The following PALM variants were observed in gnomAD, a reference collection of about 807,000 sequenced individuals.
PALM encodes the protein paralemmin.
PALM carries 18 observed loss-of-function variants against 30.7 expected under a neutral mutation model. That is an observed-to-expected ratio of 0.59 (90% confidence interval 0.41 to 0.87). The LOEUF (loss-of-function observed/expected upper bound fraction) is 0.87, where lower values mean the gene tolerates loss of function less well. Ranked by LOEUF, PALM falls within the 40% of genes least tolerant of loss-of-function variation. The pLI is 0.00. For synonymous variants in PALM, 286 were observed against 242.8 expected (o/e 1.18, Z -1.66); for missense variants, 529 against 555.4 (o/e 0.95, Z 0.48).
intron 5 of PALM, among the ~76,000 whole-genome samples, chr19:731,904 C>T (rs1210247581): frequency 6.6e-6 from 1 of 151,958 alleles, no homozygotes. Flanking sequence ...TCAGGTGATC[C>T]ACCCAACCTC....
chr19:719,763 G>A, intron 1 of PALM: 1 of 446,152 alleles, frequency 2.2e-6, no homozygotes. Flanking sequence ...CCCGCGCCTG[G>A]CGGGCCCCGC....
chr19:711,285 C>T (rs1341764328), intron 1 of PALM: 17 of 568,978 alleles, frequency 3.0e-5, no homozygotes, highest in Admixed American at 6.4e-5. Context: ...GTGGCCCCTG[C>T]GTGACACATG....
rs948010301 is a variant in PALM, at chr19:709,076, C to T, written c.-71C>T. The stretch of plus-strand genomic sequence containing the variant: ...CCGCCAGGCCGCGTCCCCCTCCCCT[C>T]CCCTCCCCCGCGCGCCACCCGCGCC... On this transcript the variant is annotated 5_prime_UTR_variant, in exon 1 of 9. Coordinates refer to ENST00000338448, the MANE Select transcript of PALM (RefSeq NM_002579.3). This position sits in a 1 kb window ranked among gnomAD's most constrained non-coding sequence, Gnocchi z 4.3. 4.5e-5 allele frequency: 11 copies of T among 244,306 alleles called. No homozygotes were observed. Among genetic ancestry groups the T allele is most frequent in the Non-Finnish European group, 7.0e-5 (9 of 128,074 alleles). 15.1% of individuals were successfully genotyped at this position (244,306 alleles called of 1,614,324 possible). A position where few individuals can be genotyped will look rare whatever the true frequency, so the allele number is the denominator to read the frequency against.
chr19:736,075 G>T lies in PALM; in HGVS notation c.499G>T (p.Ala167Ser). ...GGTTGACGGCTCCCCCATGATGAAG[G>T]CAGGTGGGTTGGCCCCCAGGCTCTG... is the stretch of plus-strand genomic sequence containing the variant. ...RTVDGSPMMKAAMYSVEITVE... is the reference protein window; with the variant it reads ...RTVDGSPMMKSAMYSVEITVE... The change falls in exon 7 of 9, where the codon GCA (alanine) becomes TCA (serine). Residue 167 changes from alanine (A) to serine (S), a missense_variant. Physicochemically the swap from Ala to Ser is moderately conservative, Grantham distance 99. Coordinates refer to ENST00000338448, the MANE Select transcript of PALM (RefSeq NM_002579.3). 6.2e-7 allele frequency: 1 copy of T among 1,608,038 alleles called. No individual in the cohort carries two copies. Among genetic ancestry groups the T allele is most frequent in the Non-Finnish European group, 8.5e-7 (1 of 1,176,834 alleles).
At chr19:727,196 G>T in intron 3 of PALM, 108 bp downstream of exon 3, 1 of 751,060 alleles carries the variant, frequency 1.3e-6, no homozygotes. Flanking sequence ...ACCTGACCCT[G>T]ACCCTGCCTC....
intron 1 of PALM, among the ~76,000 whole-genome samples, chr19:710,300 T>C (rs2032029398): frequency 6.6e-6 from 1 of 152,126 alleles, no homozygotes; most frequent in Non-Finnish European, 1.5e-5. Flanking sequence ...ACACCCAGTG[T>C]CCTCTGCTTT....
At chr19:732,415 C>T (rs544173626) in intron 5 of PALM, among the ~76,000 whole-genome samples, 1 of 152,324 alleles carries the variant, frequency 6.6e-6, no homozygotes, top group African/African-American at 2.4e-5. Context: ...AGACCCTTGG[C>T]CGGGCTTAGT....
chr19:726,204 C>G lies in PALM; in HGVS notation c.57+15C>G. The G allele has an allele frequency of 6.2e-7, 1 of 1,611,626 alleles. No individual in the cohort carries two copies. Among genetic ancestry groups the G allele is most frequent in the Non-Finnish European group, 8.5e-7 (1 of 1,178,728 alleles). On this transcript the variant is annotated intron_variant, in intron 2 of 8. Coordinates refer to ENST00000338448, the MANE Select transcript of PALM (RefSeq NM_002579.3). ...AGGCCATCGCAGTGAGTTTCCGCCG[C>G]CCCGCAGACGGTGTGGTCAGGGTGG... is the stretch of plus-strand genomic sequence containing the variant.
At chr19:740,166 A>G (rs2033143765) in intron 7 of PALM, among the ~76,000 whole-genome samples, 186 bp from the exon 8 acceptor site, 1 of 152,094 alleles carries the variant, frequency 6.6e-6, no homozygotes, top group East Asian at 1.9e-4. Context: ...GGCACTGGGG[A>G]GCTATGGAGG....
chr19:718,945 G>T (rs2032361925), intron 1 of PALM: 3 of 168,012 alleles, frequency 1.8e-5, no homozygotes, highest in Non-Finnish European at 3.6e-5. Context: ...GAGGATCACC[G>T]GGACTGGGAA....
chr19:724,776 C>T (rs954976052), intron 1 of PALM, among the ~76,000 whole-genome samples: 1 of 152,030 alleles, frequency 6.6e-6, no homozygotes, highest in Admixed American at 6.6e-5. Flanking sequence ...ACCACCACAC[C>T]TTGATAATAT....
At position 746,181 on chromosome 19, in the gene PALM, G is replaced by A; in HGVS notation, c.635-104G>A. On this transcript the variant is annotated intron_variant, in intron 8 of 8. Transcript: ENST00000338448. The surrounding 1 kb of genome is among the most constrained non-coding windows in gnomAD (Gnocchi z 7.1). ...TCGTGATTTCCTCTTTAGCCTGGAG[G>A]AGGATACAAGCCTTGCCAAGGTTTC... 2.5e-6 allele frequency: 2 copies of A among 790,550 alleles called. No homozygotes were observed. Among genetic ancestry groups the A allele is most frequent in the Non-Finnish European group, 4.2e-6 (2 of 476,984 alleles). The allele number at this position is 790,550 out of a possible 1,614,324, so 49.0% of individuals were successfully genotyped here. A position where few individuals can be genotyped will look rare whatever the true frequency, so the allele number is the denominator to read the frequency against.
chr19:725,128 G>T (rs973448320), intron 1 of PALM, among the ~76,000 whole-genome samples: 1 of 151,144 alleles, frequency 6.6e-6, no homozygotes, highest in African/African-American at 2.4e-5. Flanking sequence ...GTTTTGCCAT[G>T]TTGGCCAGGC....
intron 1 of PALM, chr19:719,595 G>C: frequency 2.0e-6 from 2 of 986,548 alleles, no homozygotes; most frequent in Non-Finnish European, 2.4e-6. Context: ...AGCAGCACCA[G>C]GACCGCCGCC....
intron 7 of PALM, among the ~76,000 whole-genome samples, chr19:736,496 T>C (rs1052702410): frequency 1.3e-5 from 2 of 152,114 alleles, no homozygotes; most frequent in African/African-American, 4.8e-5. Context: ...GGGTGCCCCG[T>C]CCCTGGAGGC....
At chr19:712,072 G>C (rs950660812) in intron 1 of PALM, among the ~76,000 whole-genome samples, 1 of 151,634 alleles carries the variant, frequency 6.6e-6, no homozygotes, top group Admixed American at 6.6e-5. Context: ...GTCCACACTG[G>C]AGTGCAGTGC....
intron 6 of PALM, 138 bp from the exon 7 acceptor site, chr19:735,880 GT>G: frequency 4.4e-6 from 3 of 675,254 alleles, no homozygotes; most frequent in Non-Finnish European, 7.7e-6. Context: ...CTGTGTCTGG[GT>G]GGGGTCTGGG....
chr19:739,096 A>G (rs2033110510), intron 7 of PALM, among the ~76,000 whole-genome samples: 1 of 152,148 alleles, frequency 6.6e-6, no homozygotes, highest in African/African-American at 2.4e-5. Context: ...AGTCGCTGTT[A>G]GGATGCAGGC....
intron 1 of PALM, among the ~76,000 whole-genome samples, chr19:710,497 G>T (rs1402847414): frequency 6.6e-6 from 1 of 152,178 alleles, no homozygotes; most frequent in Admixed American, 6.5e-5. Context: ...CCTGGGCAGG[G>T]TGTGGCTGTG....
Sources: allele counts gnomAD v4.1 joint callset (sites outside exome capture counted in the v4.1 genomes callset), GRCh38; gene constraint gnomAD v4.1.1; non-coding constraint Gnocchi (gnomAD v3.1); transcripts MANE v1.5; gene names NCBI Gene and HGNC (gene_info 2026-07-23, HGNC 2026-07-21).